AGL: variants seen among roughly 807,000 people sequenced by gnomAD.
AGL encodes the protein amylo-alpha-1,6-glucosidase and 4-alpha-glucanotransferase.
AGL carries 128 observed loss-of-function variants against 199.3 expected under a neutral mutation model. The ratio of observed to expected loss-of-function variants is 0.64; its 90% CI spans 0.56 to 0.74. AGL has a LOEUF of 0.74. Ranked by LOEUF, AGL falls within the 30% of genes least tolerant of loss-of-function variation. AGL has a pLI of 0.00. For synonymous variants in AGL, 584 were observed against 594.7 expected (o/e 0.98, Z 0.26); for missense variants, 1,809 against 1,820.8 (o/e 0.99, Z 0.12).
At chr1:99,856,489 C>A (rs1649474765) in intron 2 of AGL, among the ~76,000 whole-genome samples, 1 of 148,110 alleles carries the variant, frequency 6.8e-6, no homozygotes, top group Non-Finnish European at 1.5e-5. Context: ...GTGTTTCTCG[C>A]AGAGGGGGAT....
At position 99,915,425 on chromosome 1, in the gene AGL, G is replaced by A; in HGVS notation, c.4198G>A (p.Ala1400Thr). 6.2e-7 allele frequency: 1 copy of A among 1,613,788 alleles called. No homozygotes were observed. Among genetic ancestry groups the A allele is most frequent in the Non-Finnish European group, 8.5e-7 (1 of 1,179,898 alleles). The change falls in exon 31 of 34, where the codon GCT (alanine) becomes ACT (threonine). Residue 1400 changes from alanine to threonine, a missense_variant. By Grantham distance (58) the Ala-to-Thr change is moderately conservative. Transcript: ENST00000361915. ...CTTTACTACAGAAAAAGCATGGAAA[G>A]CTTTGGAGATTGCAGAAAAAAAATT... Reference protein sequence around the residue: ...ELFTTEKAWKALEIAEKKLLG... With the variant: ...ELFTTEKAWKTLEIAEKKLLG...
At chr1:99,917,361 G>A (rs1054495862) in intron 33 of AGL, among the ~76,000 whole-genome samples, 6 of 152,036 alleles carry the variant, frequency 3.9e-5, no homozygotes, top group South Asian at 2.1e-4. Context: ...GGACTTCTGC[G>A]TGTTTCATAT....
At chr1:99,879,363 TC>T (rs142035948) in intron 12 of AGL, among the ~76,000 whole-genome samples, 20,641 of 152,110 alleles carry the variant, frequency 0.14, 1,489 homozygotes, top group Middle Eastern at 0.18. Flanking sequence ...GGCAGGCAGA[TC>T]AGCTGAGGTT....
chr1:99,860,291 A>G (rs1309258893), intron 2 of AGL, among the ~76,000 whole-genome samples: 1 of 151,738 alleles, frequency 6.6e-6, no homozygotes, highest in Non-Finnish European at 1.5e-5. Context: ...AAATAGGTAA[A>G]TATTAGTTTT....
At chr1:99,866,685 CTG>C (rs1191056760) in intron 5 of AGL, among the ~76,000 whole-genome samples, 12 of 152,138 alleles carry the variant, frequency 7.9e-5, no homozygotes, top group Non-Finnish European at 1.3e-4. Context: ...CTACCACAGA[CTG>C]TATTTCTGAG....
intron 13 of AGL, 25 bp downstream of exon 13, chr1:99,880,071 C>T: frequency 1.9e-6 from 3 of 1,612,764 alleles, no homozygotes; most frequent in Non-Finnish European, 2.5e-6. Context: ...GTGTATTTCC[C>T]TCTAAAACTT....
intron 21 of AGL, among the ~76,000 whole-genome samples, chr1:99,890,546 A>C (rs1277848837): frequency 1.3e-5 from 2 of 152,112 alleles, no homozygotes; most frequent in Non-Finnish European, 2.9e-5. Flanking sequence ...GTCTAAATGA[A>C]GTCAGTGATG....
chr1:99,857,835 A>AGGGGGAGGGGGGAGAGGGAGACCG (rs1157864650), intron 2 of AGL, among the ~76,000 whole-genome samples: 1 of 3,670 alleles, frequency 2.7e-4, no homozygotes, highest in Non-Finnish European at 5.3e-4. Flanking sequence ...GACCGTGGGG[A>AGGGGGAGGGGGGAGAGGGAGACCG]GGGGGAGGGG....
At chr1:99,902,546 C>A in intron 26 of AGL, 137 bp from the exon 27 acceptor site, 1 of 699,396 alleles carries the variant, frequency 1.4e-6, no homozygotes, top group South Asian at 1.5e-5. Flanking sequence ...GCTGCTTCTT[C>A]CCTGGCCTCA....
rs1570451577 is a variant in AGL at position 99,884,442 on chromosome 1, T to C, written c.2537T>C (p.Ile846Thr). The C allele has an allele frequency of 1.2e-6, 2 of 1,610,578 alleles. No individual in the cohort carries two copies. Among genetic ancestry groups the C allele is most frequent in the Non-Finnish European group, 1.7e-6 (2 of 1,177,380 alleles). ...EFENLSPGSV[I>T]IFRVSLDPHA... ...GAAAACTTGTCTCCAGGAAGTGTTA[T>C]TATATTCAGGTATGTTAATTGAGCT... is the stretch of plus-strand genomic sequence containing the variant. The change falls in exon 19 of 34, where the codon ATT (isoleucine) becomes ACT (threonine). Residue 846 changes from isoleucine (I) to threonine (T), a missense_variant. Coordinates refer to ENST00000361915, the MANE Select transcript of AGL (RefSeq NM_000642.3).
At chr1:99,902,040 G>A (rs1339943335) in intron 26 of AGL, among the ~76,000 whole-genome samples, 1 of 151,892 alleles carries the variant, frequency 6.6e-6, no homozygotes. Flanking sequence ...TTATATTATA[G>A]AGTTTTGGTT....
chr1:99,898,734 G>A (rs958060168), intron 25 of AGL, among the ~76,000 whole-genome samples: 4 of 152,126 alleles, frequency 2.6e-5, no homozygotes, highest in African/African-American at 9.7e-5. Flanking sequence ...CAAGCAGAGA[G>A]GGAAAGAGAG....
chr1:99,899,130 G>GA (rs1353384794), intron 25 of AGL, among the ~76,000 whole-genome samples: 1 of 152,070 alleles, frequency 6.6e-6, no homozygotes, highest in Non-Finnish European at 1.5e-5. Context: ...TTTCTTAATT[G>GA]AAAGTGTCAC....
chr1:99,852,351 CTTTTTTTTT>C (rs11363065), intron 2 of AGL, among the ~76,000 whole-genome samples: 2 of 97,554 alleles, frequency 2.1e-5, no homozygotes, highest in African/African-American at 4.3e-5. Flanking sequence ...GCATTCATTT[CTTTTTTTTT>C]TTTTTTTTTT....
intron 2 of AGL, among the ~76,000 whole-genome samples, chr1:99,858,738 A>G (rs1227143345): frequency 6.6e-6 from 1 of 152,166 alleles, no homozygotes; most frequent in Non-Finnish European, 1.5e-5. Context: ...AAATTTATTT[A>G]GTTACATTTT....
intron 22 of AGL, 21 bp from the exon 23 acceptor site, chr1:99,891,585 T>C (rs2035961): frequency 1.9e-6 from 3 of 1,612,558 alleles, no homozygotes; most frequent in Middle Eastern, 1.7e-4. Flanking sequence ...AAATTAACTT[T>C]CAAATTTATT....
At chr1:99,878,589 T>G (rs993315374) in intron 12 of AGL, among the ~76,000 whole-genome samples, 3 of 151,900 alleles carry the variant, frequency 2.0e-5, no homozygotes, top group Non-Finnish European at 4.4e-5. Flanking sequence ...TGCTTATAAG[T>G]TTTTTTTGTT....
At chr1:99,896,683 A>G (rs772829945) in intron 25 of AGL, among the ~76,000 whole-genome samples, 1 of 152,182 alleles carries the variant, frequency 6.6e-6, no homozygotes, top group Non-Finnish European at 1.5e-5. Context: ...TGCCTTCCAT[A>G]GTGAAGGCAT....
intron 3 of AGL, 41 bp downstream of exon 3, chr1:99,861,754 G>T (rs1353202330): frequency 1.2e-6 from 2 of 1,603,804 alleles, no homozygotes; most frequent in Admixed American, 3.3e-5. Flanking sequence ...AAGTTAATTT[G>T]TTCTGTAATT....
Sources: allele counts gnomAD v4.1 joint callset (sites outside exome capture counted in the v4.1 genomes callset), GRCh38; gene constraint gnomAD v4.1.1; transcripts MANE v1.5; gene names NCBI Gene and HGNC (gene_info 2026-07-23, HGNC 2026-07-21).